Variants in GLRX3 observed in about 807,000 individuals in gnomAD.
GLRX3 encodes the protein glutaredoxin 3, also known as glutaredoxin-3.
GLRX3 carries 22 observed loss-of-function variants against 49.5 expected under a neutral mutation model. That is an observed-to-expected ratio of 0.44 (90% confidence interval 0.32 to 0.63). The LOEUF (loss-of-function observed/expected upper bound fraction) is 0.63, where lower values mean the gene tolerates loss of function less well. GLRX3 is among the 30% of genes least tolerant of loss of function. The probability of loss-of-function intolerance (pLI) is 0.05; values close to 1 mark genes in which losing one functional copy is unlikely to be tolerated. For missense variants in GLRX3, 385 were observed against 396.3 expected (o/e 0.97, Z 0.24); for synonymous variants, 133 against 140.0 (o/e 0.95, Z 0.35).
intron 8 of GLRX3, among the ~76,000 whole-genome samples, chr10:130,172,660 G>A (rs1202969822): frequency 3.3e-5 from 5 of 152,178 alleles, no homozygotes; most frequent in African/African-American, 1.2e-4. Flanking sequence ...AAGAATATAG[G>A]GCCAGGCACA....
At chr10:130,142,107 C>G (rs1862186542) in intron 1 of GLRX3, among the ~76,000 whole-genome samples, 1 of 152,166 alleles carries the variant, frequency 6.6e-6, no homozygotes, top group Admixed American at 6.5e-5. Flanking sequence ...AAATTAACAT[C>G]CGGTGACTAG....
intron 6 of GLRX3, 79 bp downstream of exon 6, chr10:130,167,059 C>T (rs1862705741): frequency 2.9e-6 from 2 of 693,774 alleles, no homozygotes; most frequent in East Asian, 6.1e-5. Flanking sequence ...TTTTGCATTG[C>T]TCTTTCTGTG....
intron 1 of GLRX3, among the ~76,000 whole-genome samples, chr10:130,138,868 T>TTTTTTG (rs1554954458): frequency 1.0e-4 from 15 of 144,016 alleles, no homozygotes; most frequent in Non-Finnish European, 1.7e-4. Flanking sequence ...TTTTTTTTTT[T>TTTTTTG]GGGGGGGAGA....
chr10:130,136,913 C>G (rs551577736), intron 1 of GLRX3, among the ~76,000 whole-genome samples: 7 of 152,254 alleles, frequency 4.6e-5, no homozygotes, highest in South Asian at 2.1e-4. Context: ...CCCCGGCCCT[C>G]CGCGCCACGG....
chr10:130,176,992 T>C (rs1862936268), intron 10 of GLRX3, among the ~76,000 whole-genome samples: 1 of 151,932 alleles, frequency 6.6e-6, no homozygotes, highest in Non-Finnish European at 1.5e-5. Context: ...TATAACAGAG[T>C]GTTATATGAT....
intron 4 of GLRX3, among the ~76,000 whole-genome samples, chr10:130,166,284 G>A (rs1406854990): frequency 6.7e-6 from 1 of 149,952 alleles, no homozygotes; most frequent in East Asian, 2.0e-4. Context: ...GTGTCAAAAA[G>A]TTAAGTCATA....
intron 10 of GLRX3, among the ~76,000 whole-genome samples, chr10:130,178,157 A>C (rs1365446161): frequency 6.6e-6 from 1 of 152,186 alleles, no homozygotes; most frequent in Non-Finnish European, 1.5e-5. Context: ...GTTGGGTTTC[A>C]ATAGCAAAGC....
At chr10:130,154,045 C>T (rs1175135023) in intron 2 of GLRX3, among the ~76,000 whole-genome samples, 2 of 152,238 alleles carry the variant, frequency 1.3e-5, no homozygotes, top group African/African-American at 2.4e-5. Context: ...CAATGGCGGA[C>T]GCCCCTCCCC....
At chr10:130,172,013 T>G (rs1862820112) in intron 8 of GLRX3, among the ~76,000 whole-genome samples, 1 of 152,202 alleles carries the variant, frequency 6.6e-6, no homozygotes, top group Non-Finnish European at 1.5e-5. Context: ...CACTGATACT[T>G]TTCAGTTGTA....
At chr10:130,167,747 T>C (rs1862720930) in intron 6 of GLRX3, among the ~76,000 whole-genome samples, 1 of 152,220 alleles carries the variant, frequency 6.6e-6, no homozygotes, top group Non-Finnish European at 1.5e-5. Context: ...TTAATAATAA[T>C]AAATACCTCA....
chr10:130,176,215 G>A (rs1316237233), intron 10 of GLRX3, among the ~76,000 whole-genome samples: 1 of 151,544 alleles, frequency 6.6e-6, no homozygotes, highest in Non-Finnish European at 1.5e-5. Flanking sequence ...TGCCTCCCAG[G>A]TTCATGTGAT....
intron 2 of GLRX3, among the ~76,000 whole-genome samples, chr10:130,150,714 T>G (rs1862359353): frequency 6.6e-6 from 1 of 152,270 alleles, no homozygotes; most frequent in Non-Finnish European, 1.5e-5. Flanking sequence ...AATTTCTGAG[T>G]GTATAATTAC....
At chr10:130,175,221 G>C in intron 10 of GLRX3, 132 bp downstream of exon 10, 2 of 666,942 alleles carry the variant, frequency 3.0e-6, no homozygotes, top group Admixed American at 4.5e-5. Context: ...GACATTTCTA[G>C]ACCAGTATCA....
intron 8 of GLRX3, 68 bp downstream of exon 8, chr10:130,171,704 G>C (rs1031947684): frequency 2.4e-5 from 21 of 877,872 alleles, no homozygotes; most frequent in Admixed American, 1.9e-4. Context: ...AGTGGCTCAC[G>C]TCTATAATCC....
intron 1 of GLRX3, among the ~76,000 whole-genome samples, chr10:130,142,800 C>T (rs1012329869): frequency 8.9e-5 from 11 of 123,250 alleles, no homozygotes; most frequent in South Asian, 2.4e-4. Context: ...TCCAGTACCG[C>T]CTAGGACCCC....
chr10:130,167,992 T>C (rs1862726287), intron 6 of GLRX3, among the ~76,000 whole-genome samples: 1 of 152,130 alleles, frequency 6.6e-6, no homozygotes, highest in African/African-American at 2.4e-5. Flanking sequence ...GACAGCTGTG[T>C]TTTTTATATG....
Position 130,166,559 on chromosome 10 carries a change from CA to C in GLRX3, c.532del (p.Ser178ValfsTer33). On this transcript the variant is annotated frameshift_variant, in exon 5 of 11. Coordinates refer to ENST00000331244, the MANE Select transcript of GLRX3 (RefSeq NM_006541.5). LOFTEE classifies it high-confidence loss of function. ...ILHKHNIQFSSFDIFSDEEVR... is the reference protein window; with the variant it reads ...ILHKHNIQFSXFDIFSDEEVR... ...TTCACAAACATAATATTCAGTTTAG[CA>C]GTTTTGATATCTTCTCAGATGAAGA... The C allele has an allele frequency of 6.2e-7, 1 of 1,612,166 alleles. No individual in the cohort carries two copies. The highest frequency in any genetic ancestry group is 8.5e-7 in the Non-Finnish European group (1 of 1,178,268).
rs1862483664 is a variant in GLRX3 at position 130,157,039 on chromosome 10, T to C, written c.202-2956T>C. On this transcript the variant is annotated intron_variant, in intron 2 of 10. Transcript: ENST00000331244. ...TCAGCTCTGCCATTTATTAGCCATG[T>C]ATCTTTGGGCAAGTTACCCAAGTTA... is the stretch of plus-strand genomic sequence containing the variant. 2.0e-5 allele frequency among the ~76,000 whole-genome samples: 3 copies of C among 152,244 alleles called. No individual in the cohort carries two copies. The South Asian group carries it at 6.2e-4, about 31-fold the overall frequency.
chr10:130,159,978 A>G lies in GLRX3; in HGVS notation c.202-17A>G. 1 of 1,504,336 alleles carries G rather than the reference A, an allele frequency of 6.6e-7. No individual in the cohort carries two copies. 93.2% of individuals were successfully genotyped at this position (1,504,336 alleles called of 1,614,324 possible). ...AGGACCTTGTAATAATCAAGCTTGA[A>G]TTCTTTTATTTTAAAGTTGGAAGCT... On this transcript the variant is annotated splice_polypyrimidine_tract_variant and intron_variant, in intron 2 of 10. Coordinates refer to ENST00000331244, the MANE Select transcript of GLRX3 (RefSeq NM_006541.5).
Sources: allele counts gnomAD v4.1 joint callset (sites outside exome capture counted in the v4.1 genomes callset), GRCh38; gene constraint gnomAD v4.1.1; transcripts MANE v1.5; gene names NCBI Gene and HGNC (gene_info 2026-07-23, HGNC 2026-07-21).